PTBP2: variants seen among roughly 807,000 people sequenced by gnomAD.
PTBP2 encodes polypyrimidine tract binding protein 2, also known as polypyrimidine tract-binding protein 2.
A neutral mutation model predicts 61.4 loss-of-function variants in PTBP2; 13 were observed. The ratio of observed to expected loss-of-function variants is 0.21; its 90% CI spans 0.14 to 0.34. The LOEUF (loss-of-function observed/expected upper bound fraction) is 0.34. PTBP2 is among the 10% of genes least tolerant of loss of function. The pLI is 1.00. For synonymous variants in PTBP2, 215 were observed against 218.5 expected (o/e 0.98, Z 0.14); for missense variants, 405 against 642.6 (o/e 0.63, Z 4.00).
At chr1:96,723,252 C>T (rs529030750) in intron 1 of PTBP2, among the ~76,000 whole-genome samples, 89 of 152,254 alleles carry the variant, frequency 5.8e-4, no homozygotes, top group Admixed American at 2.0e-4. Context: ...AGAGTTTAAG[C>T]GTTAAATTAT....
intron 2 of PTBP2, among the ~76,000 whole-genome samples, chr1:96,742,302 A>C (rs938824143): frequency 6.6e-6 from 1 of 152,184 alleles, no homozygotes; most frequent in Non-Finnish European, 1.5e-5. Context: ...TAAACAGCTT[A>C]TATGTAAGGG....
At chr1:96,781,443 GC>G (rs1658657076) in intron 7 of PTBP2, among the ~76,000 whole-genome samples, 1 of 151,806 alleles carries the variant, frequency 6.6e-6, no homozygotes, top group South Asian at 2.1e-4. Flanking sequence ...CTCCTCTCAT[GC>G]CTTTTTAGCT....
chr1:96,817,033 C>T (rs1662513485), downstream of PTBP2: 1 of 152,108 alleles, frequency 6.6e-6, no homozygotes, highest in Admixed American at 6.6e-5. Flanking sequence ...TAGAGAGCAT[C>T]CCAAGCCAGA....
intron 8 of PTBP2, 135 bp from the exon 9 acceptor site, chr1:96,804,665 A>G (rs1661334519): frequency 2.4e-6 from 2 of 825,818 alleles, no homozygotes; most frequent in South Asian, 5.3e-5. Flanking sequence ...ACACTATAAA[A>G]ATTAACTTTC....
intron 2 of PTBP2, among the ~76,000 whole-genome samples, chr1:96,731,711 G>A (rs1007909205): frequency 6.6e-6 from 1 of 151,942 alleles, no homozygotes; most frequent in Non-Finnish European, 1.5e-5. Context: ...AGCTTTTCTT[G>A]ATTTTAGACT....
intron 3 of PTBP2, among the ~76,000 whole-genome samples, chr1:96,760,801 C>G (rs539983473): frequency 6.6e-6 from 1 of 152,220 alleles, no homozygotes; most frequent in East Asian, 1.9e-4. Flanking sequence ...TCCATAACTT[C>G]TACTTTTAGT....
At chr1:96,761,517 C>A (rs187915773) in intron 3 of PTBP2, among the ~76,000 whole-genome samples, 6 of 149,534 alleles carry the variant, frequency 4.0e-5, no homozygotes, top group African/African-American at 1.5e-4. Context: ...TCCAAAGATA[C>A]CAAGGTCCTG....
At chr1:96,794,786 T>C (rs1660198071) in intron 8 of PTBP2, among the ~76,000 whole-genome samples, 1 of 152,018 alleles carries the variant, frequency 6.6e-6, no homozygotes, top group South Asian at 2.1e-4. Context: ...AAAGGAGAAA[T>C]TGGGAGGGTT....
chr1:96,807,465 G>A (rs957395622), intron 11 of PTBP2, among the ~76,000 whole-genome samples: 1 of 152,158 alleles, frequency 6.6e-6, no homozygotes, highest in Non-Finnish European at 1.5e-5. Context: ...ACTTAAATAA[G>A]TAATTGATTA....
At position 96,813,487 on chromosome 1, in the gene PTBP2, A is replaced by C; in HGVS notation, c.*82A>C. On this transcript the variant is annotated 3_prime_UTR_variant, in exon 14 of 14. Transcript: ENST00000674951. Reference sequence around the variant, plus strand: ...GACTGTTCAGAAAAGTGGGGACCAGAGTTTGATTTTTTTTGTTTTTGTTTT... The same window carrying C: ...GACTGTTCAGAAAAGTGGGGACCAGCGTTTGATTTTTTTTGTTTTTGTTTT... The C allele has an allele frequency of 1.6e-6, 2 of 1,288,948 alleles. No individual in the cohort carries two copies. Among genetic ancestry groups the C allele is most frequent in the Non-Finnish European group, 2.0e-6 (2 of 976,232 alleles). 79.8% of individuals were successfully genotyped at this position (1,288,948 alleles called of 1,614,324 possible). A position where few individuals can be genotyped will look rare whatever the true frequency, so the allele number is the denominator to read the frequency against.
intron 8 of PTBP2, among the ~76,000 whole-genome samples, chr1:96,796,545 T>G (rs1479112119): frequency 1.3e-5 from 2 of 152,208 alleles, no homozygotes; most frequent in East Asian, 3.9e-4. Flanking sequence ...TTGGGGAAAC[T>G]CTCAAAAATG....
At chr1:96,759,530 A>T (rs1655553627) in intron 3 of PTBP2, among the ~76,000 whole-genome samples, 1 of 152,196 alleles carries the variant, frequency 6.6e-6, no homozygotes, top group Non-Finnish European at 1.5e-5. Context: ...CTTAAACCCT[A>T]CATCATTCTG....
chr1:96,799,740 T>C (rs1048424680), intron 8 of PTBP2, among the ~76,000 whole-genome samples: 137 of 152,336 alleles, frequency 9.0e-4, no homozygotes, highest in Non-Finnish European at 3.4e-4. Context: ...TTTATTGTTT[T>C]CTCATTTAGC....
At chr1:96,730,608 A>T (rs1375793564) in intron 2 of PTBP2, among the ~76,000 whole-genome samples, 1 of 152,184 alleles carries the variant, frequency 6.6e-6, no homozygotes, top group Non-Finnish European at 1.5e-5. Flanking sequence ...TTTGTGGTCC[A>T]AATATATATG....
intron 2 of PTBP2, among the ~76,000 whole-genome samples, 192 bp downstream of exon 2, chr1:96,723,786 T>C (rs1392428811): frequency 6.6e-6 from 1 of 152,234 alleles, no homozygotes; most frequent in Non-Finnish European, 1.5e-5. Context: ...ACTGTCAGTC[T>C]GTAAGAATAA....
chr1:96,726,469 G>T lies in PTBP2; in HGVS notation c.39+2875G>T, dbSNP rs530862347. 4.0e-3 allele frequency among the ~76,000 whole-genome samples: 552 copies of T among 139,508 alleles called. 3 individuals are homozygous for T. The highest frequency in any genetic ancestry group is 6.9e-3 in the Non-Finnish European group (454 of 65,356). The allele number at this position is 139,508 out of a possible 152,430, so 91.5% of individuals were successfully genotyped here. ...TTTTTTTTTTTCGAGACGGAGTCTC[G>T]CCCGGTCTCCCAGGCTGGAGTGCAG... On this transcript the variant is annotated intron_variant, in intron 2 of 13. Transcript: ENST00000674951.
At chr1:96,769,579 T>C (rs2101008371) in intron 3 of PTBP2, 124 bp from the exon 4 acceptor site, 1 of 596,784 alleles carries the variant, frequency 1.7e-6, no homozygotes, top group Non-Finnish European at 2.7e-6. Flanking sequence ...TCAAGAATTA[T>C]TTAAGTATTC....
intron 7 of PTBP2, among the ~76,000 whole-genome samples, chr1:96,782,047 C>A (rs1658729408): frequency 6.6e-6 from 1 of 151,864 alleles, no homozygotes; most frequent in Non-Finnish European, 1.5e-5. Context: ...ATGTAATCTC[C>A]TTTTCACCTG....
chr1:96,763,405 G>A (rs1223084634), intron 3 of PTBP2, among the ~76,000 whole-genome samples: 6 of 152,046 alleles, frequency 3.9e-5, no homozygotes, highest in Non-Finnish European at 5.9e-5. Context: ...GCGAAACCCC[G>A]TCTCCACCAA....
Sources: allele counts gnomAD v4.1 joint callset (sites outside exome capture counted in the v4.1 genomes callset), GRCh38; gene constraint gnomAD v4.1.1; transcripts MANE v1.5; gene names NCBI Gene and HGNC (gene_info 2026-07-23, HGNC 2026-07-21).